KIAA0825: variants seen among roughly 807,000 people sequenced by gnomAD.
KIAA0825 encodes uncharacterized protein KIAA0825.
A neutral mutation model predicts 147.6 loss-of-function variants in KIAA0825; 119 were observed. That is an observed-to-expected ratio of 0.81 (90% confidence interval 0.69 to 0.94). The LOEUF (loss-of-function observed/expected upper bound fraction) is 0.94. Among genes scored for constraint, KIAA0825 ranks in the 40% least tolerant of loss-of-function variants. The probability of loss-of-function intolerance (pLI) is 0.00; values close to 1 mark genes in which losing one functional copy is unlikely to be tolerated. For synonymous variants in KIAA0825, 470 were observed against 518.1 expected (o/e 0.91, Z 1.26); for missense variants, 1,381 against 1,472.7 (o/e 0.94, Z 1.02).
chr5:94,353,499 C>T (rs1287475776), intron 20 of KIAA0825, among the ~76,000 whole-genome samples: 9 of 152,036 alleles, frequency 5.9e-5, no homozygotes, highest in Non-Finnish European at 1.3e-4. Context: ...TTAAAGGGAA[C>T]ATTTCCATAT....
At chr5:94,447,651 T>C (rs1243361694) in intron 13 of KIAA0825, among the ~76,000 whole-genome samples, 1 of 152,144 alleles carries the variant, frequency 6.6e-6, no homozygotes, top group Non-Finnish European at 1.5e-5. Flanking sequence ...ATTGAAGGAA[T>C]GATTAAACAC....
chr5:94,582,193 T>C (rs542633152), intron 2 of KIAA0825, among the ~76,000 whole-genome samples: 1 of 152,346 alleles, frequency 6.6e-6, no homozygotes, highest in Admixed American at 6.5e-5. Context: ...TAAAGAGAGA[T>C]GCCGGTGGCC....
chr5:94,366,609 G>A (rs1241826143), intron 20 of KIAA0825, among the ~76,000 whole-genome samples: 2 of 152,134 alleles, frequency 1.3e-5, no homozygotes, highest in Non-Finnish European at 2.9e-5. Context: ...AACTTCCTGT[G>A]TTCCAGGCCT....
intron 20 of KIAA0825, among the ~76,000 whole-genome samples, chr5:94,348,106 T>C (rs1783221521): frequency 6.6e-6 from 1 of 151,930 alleles, no homozygotes; most frequent in Admixed American, 6.6e-5. Flanking sequence ...GAAAAAAGAA[T>C]AAGAAAATAT....
At chr5:94,553,449 AAG>A in intron 2 of KIAA0825, among the ~76,000 whole-genome samples, 1 of 150,432 alleles carries the variant, frequency 6.6e-6, no homozygotes, top group Non-Finnish European at 1.5e-5. Flanking sequence ...TAAAAAAAAA[AAG>A]AAAAAAAAAA....
chr5:94,180,580 A>G (rs760562353), intron 20 of KIAA0825, among the ~76,000 whole-genome samples: 6 of 152,204 alleles, frequency 3.9e-5, no homozygotes, highest in Non-Finnish European at 5.9e-5. Context: ...GCTGAAGGGT[A>G]TTTGGGAATC....
chr5:94,276,723 A>T (rs1312779012), intron 20 of KIAA0825, among the ~76,000 whole-genome samples: 2 of 152,124 alleles, frequency 1.3e-5, no homozygotes, highest in Admixed American at 1.3e-4. Context: ...TAATTATTTA[A>T]TTATTAAATA....
chr5:94,381,726 T>C (rs1748438699), intron 20 of KIAA0825, among the ~76,000 whole-genome samples: 1 of 152,158 alleles, frequency 6.6e-6, no homozygotes, highest in Admixed American at 6.6e-5. Context: ...GCTTTACAAT[T>C]ATTATTATTT....
intron 20 of KIAA0825, among the ~76,000 whole-genome samples, chr5:94,231,084 C>A (rs1002463231): frequency 2.6e-5 from 4 of 152,028 alleles, no homozygotes; most frequent in African/African-American, 9.7e-5. Context: ...GAAAGTTTTC[C>A]CATGAAAAAT....
At chr5:94,505,901 G>A (rs1765681380) in intron 5 of KIAA0825, among the ~76,000 whole-genome samples, 1 of 152,170 alleles carries the variant, frequency 6.6e-6, no homozygotes, top group South Asian at 2.1e-4. Context: ...ACAGCTGGCA[G>A]CATGTCAGTC....
chr5:94,539,889 C>T (rs1333729839), intron 2 of KIAA0825, among the ~76,000 whole-genome samples: 2 of 152,140 alleles, frequency 1.3e-5, no homozygotes, highest in Non-Finnish European at 2.9e-5. Context: ...TTGGATTAAT[C>T]TGCCTTGCAC....
chr5:94,514,277 T>A (rs958324856), intron 5 of KIAA0825, among the ~76,000 whole-genome samples: 1 of 152,154 alleles, frequency 6.6e-6, no homozygotes, highest in Non-Finnish European at 1.5e-5. Flanking sequence ...AGATACTTTT[T>A]AAAATATTAA....
At chr5:94,251,124 C>T (rs759315746) in intron 20 of KIAA0825, among the ~76,000 whole-genome samples, 3 of 151,982 alleles carry the variant, frequency 2.0e-5, no homozygotes, top group Non-Finnish European at 4.4e-5. Flanking sequence ...TTTTCATTTT[C>T]GACAACACTC....
Position 94,297,622 on chromosome 5 carries a change from G to T in KIAA0825, c.3710+86746C>A, listed in dbSNP as rs1584036494. Reference sequence around the variant, plus strand: ...TTATTGTTATTATTTTTGAGATAGAGTCTCAATCTGTCGCCCGGGCTAGAG... The same window carrying T: ...TTATTGTTATTATTTTTGAGATAGATTCTCAATCTGTCGCCCGGGCTAGAG... On this transcript the variant is annotated intron_variant, in intron 20 of 20. Coordinates refer to ENST00000682413, the MANE Select transcript of KIAA0825 (RefSeq NM_001145678.3). Among the ~76,000 whole-genome samples the T allele has an allele frequency of 2.6e-5, 4 of 151,550 alleles. No individual in the cohort carries two copies. In the East Asian group the frequency reaches 7.9e-4, roughly 30 times the overall value.
intron 5 of KIAA0825, among the ~76,000 whole-genome samples, chr5:94,508,756 T>C (rs550004510): frequency 1.4e-4 from 21 of 152,298 alleles, no homozygotes; most frequent in Admixed American, 9.8e-4. Context: ...TCATTTCCTA[T>C]GTGCTCTGTC....
intron 20 of KIAA0825, among the ~76,000 whole-genome samples, chr5:94,189,442 TG>T (rs1328913886): frequency 6.6e-6 from 1 of 152,196 alleles, no homozygotes; most frequent in Non-Finnish European, 1.5e-5. Context: ...AGTTAATCTT[TG>T]TGAAAAGCTG....
intron 20 of KIAA0825, among the ~76,000 whole-genome samples, chr5:94,158,357 G>T: frequency 6.6e-6 from 1 of 152,134 alleles, no homozygotes; most frequent in Middle Eastern, 3.4e-3. Flanking sequence ...CCAAATTTGC[G>T]CTAGAATGAT....
intron 11 of KIAA0825, 88 bp from the exon 12 acceptor site, chr5:94,462,657 C>G: frequency 1.5e-6 from 1 of 648,162 alleles, no homozygotes. Context: ...TTGTACTAAG[C>G]ATATGTAAGA....
chr5:94,520,006 T>A, intron 5 of KIAA0825: 2 of 1,123,054 alleles, frequency 1.8e-6, no homozygotes, highest in Non-Finnish European at 2.2e-6. Flanking sequence ...ATTAAACTCT[T>A]ATTTAAAGTA....
Sources: allele counts gnomAD v4.1 joint callset (sites outside exome capture counted in the v4.1 genomes callset), GRCh38; gene constraint gnomAD v4.1.1; transcripts MANE v1.5; gene names NCBI Gene and HGNC (gene_info 2026-07-23, HGNC 2026-07-21).